The following SENP2 variants were observed in gnomAD, a reference collection of about 807,000 sequenced individuals.
The protein encoded by SENP2 is sentrin-specific protease 2.
SENP2 carries 16 observed loss-of-function variants against 86.3 expected under a neutral mutation model. That is an observed-to-expected ratio of 0.19 (90% confidence interval 0.13 to 0.28). The LOEUF is 0.28. SENP2 is among the 10% of genes least tolerant of loss of function. The probability of loss-of-function intolerance (pLI) is 1.00; values close to 1 mark genes in which losing one functional copy is unlikely to be tolerated. For synonymous variants in SENP2, 222 were observed against 238.7 expected, an observed-to-expected ratio of 0.93 and a Z score of 0.64; for missense variants, 552 against 703.0, an observed-to-expected ratio of 0.79 and a Z score of 2.43.
chr3:185,597,101 C>T (rs984886583), intron 2 of SENP2, among the ~76,000 whole-genome samples: 5 of 152,118 alleles, frequency 3.3e-5, no homozygotes, highest in African/African-American at 2.4e-5. Flanking sequence ...ATCTGCCTGC[C>T]TCGGCCTCCC....
At chr3:185,609,414 G>A in intron 7 of SENP2, 64 bp downstream of exon 7, 2 of 1,190,262 alleles carry the variant, frequency 1.7e-6, no homozygotes, top group Non-Finnish European at 2.5e-6. Flanking sequence ...TTTGGAGAAA[G>A]TATTGGTGGG....
Position 185,600,852 on chromosome 3 carries a change from T to C in SENP2, c.446T>C (p.Phe149Ser). ...CAGCCACGCAGAGTCCTGCCTTCCT[T>C]TGGGTAAGTGTTAAATTCTTTCTGT... ...RDQPRRVLPS[F>S]GFTLNSEGCN... Residue 149 changes from phenylalanine to serine, a missense_variant, in exon 5 of 17, where the codon TTT becomes TCT. By Grantham distance (155) the Phe-to-Ser change is radical. Around this residue, in one of 2 missense-constraint regions of SENP2, gnomAD observed 383 missense variants for 427.3 expected, o/e 0.90. Coordinates refer to ENST00000296257, the MANE Select transcript of SENP2 (RefSeq NM_021627.3). 3 of 1,602,170 alleles carry C rather than the reference T, an allele frequency of 1.9e-6. No individual in the cohort carries two copies. The highest frequency in any genetic ancestry group is 2.2e-5 in the South Asian group (2 of 90,622).
chr3:185,622,069 G>C (rs1468185397), intron 14 of SENP2, among the ~76,000 whole-genome samples, 164 bp downstream of exon 14: 1 of 152,136 alleles, frequency 6.6e-6, no homozygotes, highest in Non-Finnish European at 1.5e-5. Flanking sequence ...CTGAGAAAAC[G>C]TGTTTAGTAG....
At chr3:185,622,810 A>T (rs113403414) in intron 14 of SENP2, among the ~76,000 whole-genome samples, 66 of 136,574 alleles carry the variant, frequency 4.8e-4, no homozygotes, top group Middle Eastern at 4.2e-3. Context: ...ACTTTATTAC[A>T]TTCATGCTTT....
At chr3:185,597,934 G>A (rs1431711139) in intron 2 of SENP2, among the ~76,000 whole-genome samples, 2 of 152,272 alleles carry the variant, frequency 1.3e-5, no homozygotes, top group African/African-American at 2.4e-5. Flanking sequence ...GATTACAGGC[G>A]TGAGCCACCA....
At position 185,586,340 on chromosome 3, in the gene SENP2, G is replaced by A. The variant is rs1223237902; in HGVS notation, c.-74G>A. On this transcript the variant is annotated 5_prime_UTR_variant, in exon 1 of 17. Transcript: ENST00000296257. This position sits in a 1 kb window ranked among gnomAD's most constrained non-coding sequence, Gnocchi z 4.3. ...TGGCGGTGGTGGTTAAGACGGCGAA[G>A]GCGGCAGCGGCGGCGACAGCTCTGG... 2 of 1,592,562 alleles carry A rather than the reference G, an allele frequency of 1.3e-6. No individual in the cohort carries two copies. The highest frequency in any genetic ancestry group is 1.7e-6 in the Non-Finnish European group (2 of 1,170,278).
intron 5 of SENP2, among the ~76,000 whole-genome samples, chr3:185,602,558 C>G (rs1722378125): frequency 6.6e-6 from 1 of 152,004 alleles, no homozygotes; most frequent in Non-Finnish European, 1.5e-5. Flanking sequence ...AGAAAATCAC[C>G]ATTTTGTAAC....
chr3:185,614,006 A>G (rs970029018), intron 10 of SENP2, among the ~76,000 whole-genome samples: 28 of 152,118 alleles, frequency 1.8e-4, no homozygotes, highest in African/African-American at 6.8e-4. Flanking sequence ...TTTCTTAAAA[A>G]TCATACATCT....
rs568165069 is a variant in SENP2 at position 185,615,568 on chromosome 3, T to C, written c.1110+828T>C. Among the ~76,000 whole-genome samples the C allele has an allele frequency of 1.5e-3, 230 of 152,226 alleles. 1 individual carries two copies. Among genetic ancestry groups the C allele is most frequent in the African/African-American group, 5.0e-3 (209 of 41,532 alleles). On this transcript the variant is annotated intron_variant, in intron 11 of 16. Coordinates refer to ENST00000296257, the MANE Select transcript of SENP2 (RefSeq NM_021627.3). ...CATGTTGGCTAGGCTGGTCTCGAAC[T>C]CCTGACCTTAGATGATCTACCCACC...
At chr3:185,593,488 A>G (rs1722074887) in intron 2 of SENP2, among the ~76,000 whole-genome samples, 1 of 152,172 alleles carries the variant, frequency 6.6e-6, no homozygotes, top group African/African-American at 2.4e-5. Flanking sequence ...ATAGATACCA[A>G]TTTAGGAAAT....
chr3:185,623,879 C>A, intron 14 of SENP2, 119 bp from the exon 15 acceptor site: 3 of 378,938 alleles, frequency 7.9e-6, no homozygotes, highest in Non-Finnish European at 4.6e-6. Flanking sequence ...TTTTAAAAAG[C>A]TAATGAATAT....
chr3:185,628,556 G>T (rs530255691), intron 16 of SENP2, among the ~76,000 whole-genome samples: 1 of 152,230 alleles, frequency 6.6e-6, no homozygotes, highest in Admixed American at 6.5e-5. Context: ...GCCCAGGCTG[G>T]AGTGCAATGG....
chr3:185,620,831 T>C (rs1212270155), intron 13 of SENP2, among the ~76,000 whole-genome samples: 2 of 151,558 alleles, frequency 1.3e-5, no homozygotes, highest in Non-Finnish European at 2.9e-5. Flanking sequence ...ATAGTACAGG[T>C]TTATTGCAGA....
chr3:185,590,923 T>TG (rs1721969092), intron 2 of SENP2, among the ~76,000 whole-genome samples: 1 of 87,244 alleles, frequency 1.1e-5, no homozygotes, highest in African/African-American at 4.7e-5. Context: ...TTTTTTTTTT[T>TG]TGAGACAGAG....
Position 185,631,005 on chromosome 3 carries a change from A to C in SENP2, c.*1161A>C, listed in dbSNP as rs1340066405. ...ACCTTACTGATATGGTTATAACTTC[A>C]GACAGTTTAGAGTTGGTCAGAACAT... On this transcript the variant is annotated 3_prime_UTR_variant, in exon 17 of 17. Coordinates refer to ENST00000296257, the MANE Select transcript of SENP2 (RefSeq NM_021627.3). The C allele has an allele frequency of 6.6e-6, 1 of 152,194 alleles. No homozygotes were observed. Among genetic ancestry groups the C allele is most frequent in the Non-Finnish European group, 1.5e-5 (1 of 68,026 alleles). The allele number at this position is 152,194 out of a possible 1,614,324, so 9.4% of individuals were successfully genotyped here.
chr3:185,598,203 C>T (rs368675500), intron 2 of SENP2, among the ~76,000 whole-genome samples: 24 of 151,858 alleles, frequency 1.6e-4, no homozygotes, highest in African/African-American at 5.6e-4. Context: ...TGGGGTTTCT[C>T]CATGGTGGCC....
Position 185,609,323 on chromosome 3 carries a change from T to G in SENP2, c.695T>G (p.Val232Gly). 1.2e-6 allele frequency: 2 copies of G among 1,613,362 alleles called. No individual in the cohort carries two copies. Among genetic ancestry groups the G allele is most frequent in the South Asian group, 2.2e-5 (2 of 91,050 alleles). ...AAAGAAAGTGGTCATGGAAACTCTGTCTGTCCTGTAACTTCAAATTATCAC... is the reference window on the plus strand; with the variant it reads ...AAAGAAAGTGGTCATGGAAACTCTGGCTGTCCTGTAACTTCAAATTATCAC... ...RLKESGHGNS[V>G]CPVTSNYHSS... The change falls in exon 7 of 17, where the codon GTC becomes GGC. Residue 232 changes from valine (V) to glycine (G), a missense_variant. By Grantham distance (109) the Val-to-Gly change is moderately radical. Around this residue, in one of 2 missense-constraint regions of SENP2, gnomAD observed 383 missense variants for 427.3 expected, o/e 0.90. Coordinates refer to ENST00000296257, the MANE Select transcript of SENP2 (RefSeq NM_021627.3).
chr3:185,597,482 A>T (rs1258812957), intron 2 of SENP2, among the ~76,000 whole-genome samples: 1 of 151,736 alleles, frequency 6.6e-6, no homozygotes, highest in African/African-American at 2.4e-5. Flanking sequence ...CCTCCTGAGT[A>T]GCTGGGACTA....
intron 16 of SENP2, among the ~76,000 whole-genome samples, chr3:185,629,110 T>C (rs1056190335): frequency 6.6e-6 from 1 of 152,206 alleles, no homozygotes. Context: ...TTTAAATAAA[T>C]ACGTTTTTCT....
Sources: allele counts gnomAD v4.1 joint callset (sites outside exome capture counted in the v4.1 genomes callset), GRCh38; gene constraint gnomAD v4.1.1; regional missense constraint gnomAD v4.1.1; non-coding constraint Gnocchi (gnomAD v3.1); transcripts MANE v1.5; gene names NCBI Gene and HGNC (gene_info 2026-07-23, HGNC 2026-07-21).